Variants in SLC9A9 observed in about 807,000 individuals in gnomAD.
The protein encoded by SLC9A9 is sodium/hydrogen exchanger 9.
Under a neutral mutation model 77.8 loss-of-function variants are expected in SLC9A9, and 62 were observed. The observed-to-expected ratio is 0.80, with a 90% CI of 0.65 to 0.98. SLC9A9 has a LOEUF of 0.98. SLC9A9 is among the 50% of genes least tolerant of loss of function. The pLI is 0.00. For synonymous variants in SLC9A9, 320 were observed against 283.5 expected (o/e 1.13, Z -1.29); for missense variants, 775 against 774.9 (o/e 1.00, Z 0.00).
At chr3:143,321,269 C>T (rs139007416) in intron 14 of SLC9A9, among the ~76,000 whole-genome samples, 42 of 152,302 alleles carry the variant, frequency 2.8e-4, no homozygotes, top group East Asian at 1.9e-4. Flanking sequence ...TTAGAAGCTC[C>T]GTTTACTATG....
chr3:143,517,597 C>G, intron 9 of SLC9A9: 1 of 1,597,508 alleles, frequency 6.3e-7, no homozygotes, highest in Non-Finnish European at 8.5e-7. Flanking sequence ...CATCATAATC[C>G]AATTTACAGG....
chr3:143,781,171 T>G (rs1470219403), intron 4 of SLC9A9, among the ~76,000 whole-genome samples: 1 of 152,228 alleles, frequency 6.6e-6, no homozygotes, highest in Non-Finnish European at 1.5e-5. Flanking sequence ...ACTATTTGCA[T>G]TGCACATTCT....
At chr3:143,530,674 C>CAAA (rs77309463) in intron 9 of SLC9A9, among the ~76,000 whole-genome samples, 6 of 122,308 alleles carry the variant, frequency 4.9e-5, no homozygotes, top group Admixed American at 1.7e-4. Flanking sequence ...AACAAACAAA[C>CAAA]AAAAACCAAA....
intron 6 of SLC9A9, among the ~76,000 whole-genome samples, chr3:143,616,077 G>A (rs2038100854): frequency 6.6e-6 from 1 of 151,954 alleles, no homozygotes; most frequent in South Asian, 2.1e-4. Flanking sequence ...TAGAGACAGG[G>A]TTTCACTATC....
At chr3:143,705,752 T>C (rs1254494627) in intron 4 of SLC9A9, among the ~76,000 whole-genome samples, 2 of 152,166 alleles carry the variant, frequency 1.3e-5, no homozygotes, top group South Asian at 2.1e-4. Flanking sequence ...CTGGGGAACA[T>C]TGAAGGATGA....
At chr3:143,394,516 G>A (rs1001919425) in intron 12 of SLC9A9, among the ~76,000 whole-genome samples, 3 of 152,106 alleles carry the variant, frequency 2.0e-5, no homozygotes, top group African/African-American at 7.2e-5. Flanking sequence ...GGCAAAAACT[G>A]GAAGCATTCC....
chr3:143,676,787 G>A (rs1486613254), intron 5 of SLC9A9, among the ~76,000 whole-genome samples: 2 of 151,928 alleles, frequency 1.3e-5, no homozygotes, highest in East Asian at 3.9e-4. Flanking sequence ...AACCCAGCAC[G>A]TGTCTGAAAA....
intron 6 of SLC9A9, among the ~76,000 whole-genome samples, chr3:143,613,166 G>T (rs2108701762): frequency 6.6e-6 from 1 of 152,320 alleles, no homozygotes; most frequent in South Asian, 2.1e-4. Context: ...CTGGGCTATG[G>T]TTTAAATTGC....
chr3:143,413,949 A>G (rs1367731805), intron 12 of SLC9A9, among the ~76,000 whole-genome samples: 3 of 152,232 alleles, frequency 2.0e-5, no homozygotes, highest in Non-Finnish European at 2.9e-5. Context: ...CATTAAACAC[A>G]CTGTCACCTC....
chr3:143,431,264 T>A (rs1346345239), intron 12 of SLC9A9, among the ~76,000 whole-genome samples: 1 of 152,180 alleles, frequency 6.6e-6, no homozygotes, highest in East Asian at 1.9e-4. Flanking sequence ...TTGCACACAG[T>A]GCTTTGAGCT....
intron 5 of SLC9A9, among the ~76,000 whole-genome samples, chr3:143,665,446 A>G (rs1009568114): frequency 2.6e-5 from 4 of 152,236 alleles, no homozygotes; most frequent in African/African-American, 9.6e-5. Context: ...AAGAGCAAGC[A>G]TACTCAAAAG....
chr3:143,799,025 G>A (rs2008472324), intron 2 of SLC9A9, among the ~76,000 whole-genome samples: 1 of 152,120 alleles, frequency 6.6e-6, no homozygotes, highest in African/African-American at 2.4e-5. Flanking sequence ...CACCTGGTCT[G>A]GCTTACGGTT....
At chr3:143,352,184 G>A (rs1442706310) in intron 14 of SLC9A9, among the ~76,000 whole-genome samples, 9 of 152,198 alleles carry the variant, frequency 5.9e-5, no homozygotes, top group African/African-American at 9.7e-5. Context: ...TAGAAGGAAC[G>A]GCAAAGGGCT....
intron 8 of SLC9A9, 51 bp downstream of exon 8, chr3:143,574,037 G>T: frequency 6.6e-7 from 1 of 1,507,058 alleles, no homozygotes; most frequent in Non-Finnish European, 9.2e-7. Context: ...ACACACCAGA[G>T]CCACACACAT....
At chr3:143,304,598 A>G (rs1196822834) in intron 14 of SLC9A9, among the ~76,000 whole-genome samples, 1 of 152,226 alleles carries the variant, frequency 6.6e-6, no homozygotes, top group Non-Finnish European at 1.5e-5. Context: ...AAGTCCAGCC[A>G]TGGCTGGCTC....
chr3:143,573,202 A>G (rs1286062295), intron 8 of SLC9A9, among the ~76,000 whole-genome samples: 1 of 152,180 alleles, frequency 6.6e-6, no homozygotes, highest in Non-Finnish European at 1.5e-5. Context: ...TTAGACTTAA[A>G]GTATCACCTA....
intron 12 of SLC9A9, among the ~76,000 whole-genome samples, chr3:143,392,110 C>G (rs1260620889): frequency 2.0e-5 from 3 of 152,124 alleles, no homozygotes; most frequent in Non-Finnish European, 2.9e-5. Flanking sequence ...ACGCCACAAA[C>G]ATACTCCTTG....
chr3:143,268,984 G>A lies in SLC9A9; in HGVS notation c.1605-4C>T. On this transcript the variant is annotated splice_polypyrimidine_tract_variant and splice_region_variant and intron_variant, in intron 14 of 15. Transcript: ENST00000316549. Reference sequence around the variant, plus strand: ...GGTTAAAATTGGTTTCAGATACCTGGGAGGCCTGTTAAGGAATACTTGTCA... The same window carrying A: ...GGTTAAAATTGGTTTCAGATACCTGAGAGGCCTGTTAAGGAATACTTGTCA... 2 of 1,602,400 alleles carry A rather than the reference G, an allele frequency of 1.2e-6. No homozygotes were observed. The highest frequency in any genetic ancestry group is 1.1e-5 in the South Asian group (1 of 90,856).
chr3:143,705,040 T>TATCTATATAG (rs1553782489), intron 4 of SLC9A9, among the ~76,000 whole-genome samples: 1 of 52,652 alleles, frequency 1.9e-5, no homozygotes. Flanking sequence ...TCTATCTATC[T>TATCTATATAG]ATATAGATAT....
Sources: gnomAD v4.1 joint callset for allele counts (sites outside exome capture counted in the v4.1 genomes callset) on GRCh38, gnomAD v4.1.1 for gene constraint, MANE v1.5 for transcripts, NCBI Gene and HGNC (gene_info 2026-07-23, HGNC 2026-07-21) for gene names.